SNTG2: variants seen among roughly 807,000 people sequenced by gnomAD.
The protein encoded by SNTG2 is syntrophin gamma 2.
A neutral mutation model predicts 70.9 loss-of-function variants in SNTG2; 74 were observed. The ratio of observed to expected loss-of-function variants is 1.04; its 90% CI spans 0.86 to 1.27. The LOEUF is 1.27. Ranked by LOEUF, SNTG2 falls within the 50% of genes most tolerant of loss-of-function variation. SNTG2 has a pLI of 0.00. For missense variants in SNTG2, 717 were observed against 690.7 expected (o/e 1.04, Z -0.43); for synonymous variants, 278 against 273.8 (o/e 1.02, Z -0.15).
In SNTG2 at chr2:951,028, C is replaced by G; in HGVS notation, c.32C>G (p.Ala11Gly). 7.9e-7 allele frequency: 1 copy of G among 1,266,718 alleles called. No homozygotes were observed. Among genetic ancestry groups the G allele is most frequent in the East Asian group, 3.1e-5 (1 of 32,074 alleles). 78.5% of individuals were successfully genotyped at this position (1,266,718 alleles called of 1,614,324 possible). MGTEGPPPPA[A>G]SRGRQGCLLV... ...ACCGAGGGACCCCCGCCCCCGGCCG[C>G]CTCCCGCGGACGCCAGGGCTGCCTG... is the stretch of plus-strand genomic sequence containing the variant. The change falls in exon 1 of 17, where the codon GCC becomes GGC. Residue 11 changes from alanine to glycine, a missense_variant. Coordinates refer to ENST00000308624, the MANE Select transcript of SNTG2 (RefSeq NM_018968.4).
Position 1,353,850 on chromosome 2 carries a change from G to C in SNTG2, c.1489-13493G>C, listed in dbSNP as rs1230002287. ...GGTGTGATTTCCACTGGAGGAGATT[G>C]ATTGAGGACATTTGGTAATATTAGC... On this transcript the variant is annotated intron_variant, in intron 16 of 16. Coordinates refer to ENST00000308624, the MANE Select transcript of SNTG2 (RefSeq NM_018968.4). The surrounding 1 kb of genome is among the most constrained non-coding windows in gnomAD (Gnocchi z 4.2). The C allele has an allele frequency of 3.9e-5, 6 of 152,208 alleles. No homozygotes were observed. Among genetic ancestry groups the C allele is most frequent in the African/African-American group, 1.4e-4 (6 of 41,446 alleles). The allele number at this position is 152,208 out of a possible 1,614,324, so 9.4% of individuals were successfully genotyped here.
chr2:1,075,237 C>T (rs947066995), intron 1 of SNTG2, among the ~76,000 whole-genome samples: 10 of 152,202 alleles, frequency 6.6e-5, no homozygotes, highest in Non-Finnish European at 1.5e-5. Flanking sequence ...CTGTCCTAGG[C>T]ACTGTTGGCC....
chr2:1,025,960 G>A (rs1020711849), intron 1 of SNTG2, among the ~76,000 whole-genome samples: 6 of 152,196 alleles, frequency 3.9e-5, no homozygotes, highest in African/African-American at 1.4e-4. Flanking sequence ...TAATTGACTT[G>A]CTGAACTAGT....
At chr2:1,319,757 T>G (rs1161744941) in intron 16 of SNTG2, among the ~76,000 whole-genome samples, 1 of 152,194 alleles carries the variant, frequency 6.6e-6, no homozygotes, top group Non-Finnish European at 1.5e-5. Flanking sequence ...GGGTGATGGG[T>G]GACCGTGGGC....
chr2:1,274,248 A>T (rs1679179305), intron 14 of SNTG2, among the ~76,000 whole-genome samples: 1 of 152,246 alleles, frequency 6.6e-6, no homozygotes. Flanking sequence ...TCGCCACAAG[A>T]TCCAGAAACT....
At chr2:1,119,070 A>C (rs1444449384) in intron 4 of SNTG2, among the ~76,000 whole-genome samples, 1 of 152,236 alleles carries the variant, frequency 6.6e-6, no homozygotes, top group African/African-American at 2.4e-5. Context: ...TTAGTCTATC[A>C]GTGGATTTCT....
chr2:1,233,001 G>T lies in SNTG2; in HGVS notation c.720-4887G>T, dbSNP rs139177453. The stretch of plus-strand genomic sequence containing the variant: ...ACCACAGGCACAGAGGGAGGTGGTG[G>T]CCAGAGCCGACAGGGAGTGACAGGC... On this transcript the variant is annotated intron_variant, in intron 9 of 16. Coordinates refer to ENST00000308624, the MANE Select transcript of SNTG2 (RefSeq NM_018968.4). 3.8e-3 allele frequency among the ~76,000 whole-genome samples: 573 copies of T among 152,316 alleles called. 4 individuals carry two copies. The highest frequency in any genetic ancestry group is 0.013 in the African/African-American group (542 of 41,560).
intron 1 of SNTG2, among the ~76,000 whole-genome samples, chr2:1,018,073 T>C (rs1224029126): frequency 6.6e-6 from 1 of 152,212 alleles, no homozygotes; most frequent in African/African-American, 2.4e-5. Context: ...TATTTGTTAG[T>C]CATGGAGTTA....
At chr2:1,109,970 AG>A (rs1415164070) in intron 4 of SNTG2, among the ~76,000 whole-genome samples, 1 of 152,208 alleles carries the variant, frequency 6.6e-6, no homozygotes, top group East Asian at 1.9e-4. Context: ...CCTGAGCTGA[AG>A]GGCGGGTTCT....
At chr2:1,054,416 G>A (rs554359580) in intron 1 of SNTG2, among the ~76,000 whole-genome samples, 4 of 152,178 alleles carry the variant, frequency 2.6e-5, no homozygotes, top group Non-Finnish European at 2.9e-5. Context: ...AGGGGTTTAC[G>A]TAGAGGGCTT....
intron 16 of SNTG2, among the ~76,000 whole-genome samples, chr2:1,330,811 G>A (rs72770679): frequency 0.12 from 18,709 of 152,162 alleles, 1,303 homozygotes; most frequent in Admixed American, 0.2. Flanking sequence ...TGTTGCCAAC[G>A]GGGTGCCCCT....
At chr2:1,269,908 A>T (rs924794077) in intron 14 of SNTG2, among the ~76,000 whole-genome samples, 8 of 152,176 alleles carry the variant, frequency 5.3e-5, no homozygotes, top group Non-Finnish European at 8.8e-5. Context: ...TTTCTGCAGG[A>T]CTGGGTAGAG....
chr2:1,320,259 G>T (rs1393315558), intron 16 of SNTG2, among the ~76,000 whole-genome samples: 1 of 152,028 alleles, frequency 6.6e-6, no homozygotes, highest in Non-Finnish European at 1.5e-5. Context: ...AATTGGCCGG[G>T]CATGGTGGCT....
At chr2:1,164,296 C>G (rs4608558) in intron 6 of SNTG2, among the ~76,000 whole-genome samples, 434 of 62,694 alleles carry the variant, frequency 6.9e-3, no homozygotes, top group Middle Eastern at 0.013. Flanking sequence ...TCTGTGTAGA[C>G]GAGAGGGCGG....
At chr2:1,182,301 A>G (rs1671959007) in intron 8 of SNTG2, among the ~76,000 whole-genome samples, 1 of 149,208 alleles carries the variant, frequency 6.7e-6, no homozygotes, top group Non-Finnish European at 1.5e-5. Context: ...ATGAATAAGG[A>G]GTTATAAAGA....
chr2:1,153,154 A>G (rs1669634849), intron 6 of SNTG2, among the ~76,000 whole-genome samples: 1 of 151,876 alleles, frequency 6.6e-6, no homozygotes, highest in African/African-American at 2.4e-5. Context: ...TCACAACAAC[A>G]CCTAGACTGG....
chr2:1,106,383 G>A (rs550485056), intron 4 of SNTG2, among the ~76,000 whole-genome samples: 22 of 131,350 alleles, frequency 1.7e-4, no homozygotes, highest in African/African-American at 4.7e-4. Flanking sequence ...GGTAATAGTG[G>A]ATGCGTGCTG....
At chr2:1,298,232 A>C (rs1558187981) in intron 14 of SNTG2, among the ~76,000 whole-genome samples, 1 of 152,086 alleles carries the variant, frequency 6.6e-6, no homozygotes, top group East Asian at 1.9e-4. Flanking sequence ...TCCCAGGCTC[A>C]AGAGAGTCTC....
At chr2:973,003 C>T (rs1660792073) in intron 1 of SNTG2, among the ~76,000 whole-genome samples, 1 of 151,182 alleles carries the variant, frequency 6.6e-6, no homozygotes, top group South Asian at 2.2e-4. Flanking sequence ...GTAACATTTA[C>T]ATATATTTCT....
Sources: gnomAD v4.1 joint callset for allele counts (sites outside exome capture counted in the v4.1 genomes callset) on GRCh38, gnomAD v4.1.1 for gene constraint, Gnocchi (gnomAD v3.1) non-coding constraint, MANE v1.5 for transcripts, NCBI Gene and HGNC (gene_info 2026-07-23, HGNC 2026-07-21) for gene names.